Variants in ZNF704 observed in about 807,000 individuals in gnomAD.
ZNF704 encodes zinc finger protein 704, also known as glucocorticoid induced gene 1.
In ZNF704, 10 loss-of-function variants were observed where a neutral mutation model predicts 44.7. The observed-to-expected ratio is 0.22, with a 90% CI of 0.14 to 0.38. The LOEUF (loss-of-function observed/expected upper bound fraction) is 0.38, where lower values mean the gene tolerates loss of function less well. ZNF704 is among the 10% of genes least tolerant of loss of function. The pLI is 1.00. For missense variants in ZNF704, 390 were observed against 545.5 expected (o/e 0.71, Z 2.84); for synonymous variants, 211 against 207.6 (o/e 1.02, Z -0.14).
At chr8:80,758,517 GT>G (rs2131715631) in intron 2 of ZNF704, among the ~76,000 whole-genome samples, 1 of 151,928 alleles carries the variant, frequency 6.6e-6, no homozygotes, top group South Asian at 2.1e-4. Context: ...CTATAACTCA[GT>G]TTCAAATATT....
At chr8:80,680,650 A>G (rs565302479) in intron 4 of ZNF704, among the ~76,000 whole-genome samples, 1 of 152,342 alleles carries the variant, frequency 6.6e-6, no homozygotes, top group African/African-American at 2.4e-5. Flanking sequence ...TCGTGTATTT[A>G]AAAATTAGTA....
intron 2 of ZNF704, among the ~76,000 whole-genome samples, chr8:80,777,881 C>CAA (rs1310505808): frequency 3.6e-4 from 33 of 91,444 alleles, no homozygotes; most frequent in African/African-American, 4.2e-4. Flanking sequence ...TGCGACTCAA[C>CAA]AAAAAAAAAA....
chr8:80,643,630 TC>T, intron 7 of ZNF704, among the ~76,000 whole-genome samples: 1 of 151,286 alleles, frequency 6.6e-6, no homozygotes, highest in Middle Eastern at 3.4e-3. Context: ...TAAAATGCAT[TC>T]CCAAACAGAG....
intron 7 of ZNF704, among the ~76,000 whole-genome samples, chr8:80,650,730 G>A (rs1351767414): frequency 1.3e-5 from 2 of 152,208 alleles, no homozygotes; most frequent in East Asian, 3.8e-4. Context: ...GAACCAAGTT[G>A]GAAAACACTC....
chr8:80,782,186 C>T (rs1014319722), intron 2 of ZNF704, among the ~76,000 whole-genome samples: 1 of 152,164 alleles, frequency 6.6e-6, no homozygotes, highest in Non-Finnish European at 1.5e-5. Context: ...ACCTGGGTTG[C>T]AGACACAAGC....
chr8:80,719,483 A>G (rs1274718911), intron 2 of ZNF704, among the ~76,000 whole-genome samples: 1 of 152,214 alleles, frequency 6.6e-6, no homozygotes, highest in Non-Finnish European at 1.5e-5. Context: ...GTTAGTTACT[A>G]GGGCAATAAT....
Position 80,678,807 on chromosome 8 carries a change from C to A in ZNF704, c.559-8204G>T, listed in dbSNP as rs562623881. Among the ~76,000 whole-genome samples the A allele has an allele frequency of 3.9e-5, 6 of 152,324 alleles. No individual in the cohort carries two copies. In the South Asian group the frequency reaches 1.2e-3, roughly 32 times the overall value. ...TCAGGTCTACACCATGCCTTTTCTG[C>A]ACCATGCTCAGGGTCCCAGGAGGCT... On this transcript the variant is annotated intron_variant, in intron 4 of 8. Coordinates refer to ENST00000327835, the MANE Select transcript of ZNF704 (RefSeq NM_001033723.3).
chr8:80,879,462 C>T (rs1809398790), upstream of ZNF704, among the ~76,000 whole-genome samples: 1 of 152,082 alleles, frequency 6.6e-6, no homozygotes, highest in African/African-American at 2.4e-5. Flanking sequence ...TATGTACAGG[C>T]TGGTCTTGAA....
At chr8:80,823,643 C>G (rs540872233) in intron 1 of ZNF704, among the ~76,000 whole-genome samples, 1 of 152,160 alleles carries the variant, frequency 6.6e-6, no homozygotes. Context: ...CCCTGACCAC[C>G]GAGTAGCCTA....
At chr8:80,787,640 G>A (rs1326121565) in intron 2 of ZNF704, among the ~76,000 whole-genome samples, 9 of 151,978 alleles carry the variant, frequency 5.9e-5, no homozygotes, top group African/African-American at 9.7e-5. Flanking sequence ...ACAGTGAGGC[G>A]AGTTTTTATT....
intron 2 of ZNF704, among the ~76,000 whole-genome samples, chr8:80,723,046 A>G (rs1806402707): frequency 6.6e-6 from 1 of 152,266 alleles, no homozygotes. Context: ...ATTTGAAGAT[A>G]CAGTACTATG....
chr8:80,706,934 T>C (rs538245700), intron 2 of ZNF704, among the ~76,000 whole-genome samples: 39 of 152,230 alleles, frequency 2.6e-4, no homozygotes, highest in Non-Finnish European at 4.7e-4. Context: ...AATCCCCTTT[T>C]AAGCTGCTTA....
intron 2 of ZNF704, chr8:80,749,795 A>G (rs1199022089): frequency 6.6e-6 from 1 of 152,182 alleles, no homozygotes; most frequent in Non-Finnish European, 1.5e-5. Flanking sequence ...ATCTCTTCCA[A>G]GGAAAAGTGT....
intron 4 of ZNF704, among the ~76,000 whole-genome samples, chr8:80,680,642 G>A (rs1189536803): frequency 5.9e-5 from 9 of 152,276 alleles, no homozygotes; most frequent in East Asian, 3.9e-4. Flanking sequence ...AAATGCGCTC[G>A]TGTATTTAAA....
At chr8:80,839,431 CTTGTA>C (rs1358718354) in intron 1 of ZNF704, among the ~76,000 whole-genome samples, 2 of 152,328 alleles carry the variant, frequency 1.3e-5, no homozygotes, top group African/African-American at 2.4e-5. Context: ...CACATTTTAA[CTTGTA>C]TTGTGCTAAT....
At chr8:80,736,361 CCT>C (rs1364661659) in intron 2 of ZNF704, among the ~76,000 whole-genome samples, 1 of 152,224 alleles carries the variant, frequency 6.6e-6, no homozygotes, top group Non-Finnish European at 1.5e-5. Flanking sequence ...CTCACTGCAA[CCT>C]CTGACTCCCT....
At chr8:80,815,595 A>C (rs1808164539) in intron 2 of ZNF704, among the ~76,000 whole-genome samples, 1 of 152,222 alleles carries the variant, frequency 6.6e-6, no homozygotes, top group Non-Finnish European at 1.5e-5. Flanking sequence ...TTTGTAAATG[A>C]CAATAAGTTA....
chr8:80,862,597 C>CAA lies in ZNF704; in HGVS notation c.-22+11972_-22+11973dup, dbSNP rs10523461. ...CAACATGATGAAAACTTGTCTCTAC[C>CAA]AAAAAAAAAAAAAAAAAATTAGTCA... On this transcript the variant is annotated intron_variant, in intron 1 of 8. Coordinates refer to ENST00000327835, the MANE Select transcript of ZNF704 (RefSeq NM_001033723.3). Among the ~76,000 whole-genome samples the CAA allele has an allele frequency of 3.5e-3, 349 of 100,094 alleles. 7 individuals carry two copies. Among genetic ancestry groups the CAA allele is most frequent in the African/African-American group, 0.014 (333 of 23,168 alleles). The allele number at this position is 100,094 out of a possible 152,430, so 65.7% of individuals were successfully genotyped here. A position where few individuals can be genotyped will look rare whatever the true frequency, so the allele number is the denominator to read the frequency against.
chr8:80,675,918 T>C lies in ZNF704; in HGVS notation c.559-5315A>G, dbSNP rs12680530. The stretch of plus-strand genomic sequence containing the variant: ...GTGGATGAGCCCATCTAGGGAAAAA[T>C]GCAGTTAGAGATGATTAGGGTGCAC... On this transcript the variant is annotated intron_variant, in intron 4 of 8. Coordinates refer to ENST00000327835, the MANE Select transcript of ZNF704 (RefSeq NM_001033723.3). Among the ~76,000 whole-genome samples, 25 of 152,098 alleles carry C rather than the reference T, an allele frequency of 1.6e-4. No homozygotes were observed. The East Asian group carries it at 4.6e-3, about 28-fold the overall frequency.
Sources: allele counts gnomAD v4.1 joint callset (sites outside exome capture counted in the v4.1 genomes callset), GRCh38; gene constraint gnomAD v4.1.1; transcripts MANE v1.5; gene names NCBI Gene and HGNC (gene_info 2026-07-23, HGNC 2026-07-21).